Variants in DNAH14 observed in about 807,000 individuals in gnomAD.
The protein encoded by DNAH14 is dynein axonemal heavy chain 14, also known as axonemal beta dynein heavy chain 14.
Under a neutral mutation model 520.9 loss-of-function variants are expected in DNAH14, and 478 were observed. The observed-to-expected ratio is 0.92, with a 90% CI of 0.85 to 0.99. The LOEUF is 0.99. Among genes scored for constraint, DNAH14 ranks in the 50% least tolerant of loss-of-function variants. The pLI is 0.00. For synonymous variants in DNAH14, 1,581 were observed against 1,757.2 expected (o/e 0.90, Z 2.51); for missense variants, 4,831 against 5,234.5 (o/e 0.92, Z 2.38).
chr1:225,302,330 G>A (rs1054079362), intron 56 of DNAH14, among the ~76,000 whole-genome samples: 4 of 151,800 alleles, frequency 2.6e-5, no homozygotes, highest in Admixed American at 1.3e-4. Context: ...TTTGCACTGA[G>A]CAGTTTTATT....
At chr1:225,388,203 T>C (rs6679318) in intron 81 of DNAH14, among the ~76,000 whole-genome samples, 176 bp from the exon 82 acceptor site, 6,563 of 152,314 alleles carry the variant, frequency 0.043, 168 homozygotes, top group Middle Eastern at 0.068. Flanking sequence ...AATGTTGTTT[T>C]GCCCTGGTAA....
intron 74 of DNAH14, among the ~76,000 whole-genome samples, chr1:225,359,198 C>T (rs2095466024): frequency 6.6e-6 from 1 of 152,148 alleles, no homozygotes; most frequent in South Asian, 2.1e-4. Context: ...AAGAATAAAT[C>T]TCTCTAAAGA....
chr1:225,337,376 A>G lies in DNAH14; in HGVS notation c.10191A>G (p.Gln3397=). Residue 3397 remains glutamine, a synonymous_variant, in exon 67 of 86, where the codon CAA becomes CAG. Coordinates refer to ENST00000682510, the MANE Select transcript of DNAH14 (RefSeq NM_001367479.1). ...CACTGCTGATTGACCCACATAGGCA[A>G]GCTCACAAATGGATCCGTCAGATGG... ...QWPLLIDPHR[Q]AHKWIRQMEG... 1 of 1,551,696 alleles carries G rather than the reference A, an allele frequency of 6.4e-7. No homozygotes were observed. The highest frequency in any genetic ancestry group is 1.2e-5 in the South Asian group (1 of 84,064).
intron 17 of DNAH14, among the ~76,000 whole-genome samples, chr1:225,076,738 T>C (rs750774007): frequency 6.6e-6 from 1 of 152,222 alleles, no homozygotes; most frequent in Non-Finnish European, 1.5e-5. Context: ...GTCCTGGGTG[T>C]ATTTATATTT....
At position 225,117,887 on chromosome 1, in the gene DNAH14, C is replaced by T. The variant is rs991431172; in HGVS notation, c.3979C>T (p.Leu1327Phe). Residue 1327 changes from leucine to phenylalanine, a missense_variant, in exon 25 of 86, where the codon CTT becomes TTT. Coordinates refer to ENST00000682510, the MANE Select transcript of DNAH14 (RefSeq NM_001367479.1). Reference sequence around the variant, plus strand: ...ATTTGTTTCTGGTTCACAGCCTCATCTTGTGAAATGCTTTGAAAATATAAA... The same window carrying T: ...ATTTGTTTCTGGTTCACAGCCTCATTTTGTGAAATGCTTTGAAAATATAAA... ...SRNPESVQPH[L>F]VKCFENIKQL... The T allele has an allele frequency of 6.5e-7, 1 of 1,544,092 alleles. No homozygotes were observed. Among genetic ancestry groups the T allele is most frequent in the African/African-American group, 1.4e-5 (1 of 72,774 alleles).
chr1:225,133,699 G>A (rs1360544839), intron 27 of DNAH14, among the ~76,000 whole-genome samples: 2 of 152,126 alleles, frequency 1.3e-5, no homozygotes, highest in Non-Finnish European at 2.9e-5. Context: ...GTATTGACTT[G>A]GCTATTTGGG....
intron 37 of DNAH14, among the ~76,000 whole-genome samples, chr1:225,187,043 C>T (rs1245939115): frequency 6.6e-6 from 1 of 151,580 alleles, no homozygotes; most frequent in African/African-American, 2.4e-5. Flanking sequence ...TTTTCCTCTT[C>T]ATCATAGGAA....
At position 225,170,764 on chromosome 1, in the gene DNAH14, C is replaced by T. The variant is rs1029017787; in HGVS notation, c.5535+2736C>T. ...GAATTGAATTGAGCTCTGCACCAAGCGGACCTAATAGACATCTACAAAACC... is the reference window on the plus strand; with the variant it reads ...GAATTGAATTGAGCTCTGCACCAAGTGGACCTAATAGACATCTACAAAACC... On this transcript the variant is annotated intron_variant, in intron 36 of 85. Transcript: ENST00000682510. Among the ~76,000 whole-genome samples the T allele has an allele frequency of 1.6e-4, 24 of 152,256 alleles. No homozygotes were observed. In the East Asian group the frequency reaches 1.7e-3, roughly 11 times the overall value.
chr1:225,248,295 C>T (rs2149687362), intron 43 of DNAH14, among the ~76,000 whole-genome samples: 1 of 152,120 alleles, frequency 6.6e-6, no homozygotes, highest in East Asian at 1.9e-4. Context: ...TAATGATGAG[C>T]ATAGAACTTG....
At chr1:225,395,659 T>C (rs1009603949) in intron 84 of DNAH14, 7 of 152,272 alleles carry the variant, frequency 4.6e-5, no homozygotes, top group African/African-American at 1.7e-4. Context: ...TGTTTTTAGT[T>C]TTTATTGTGC....
chr1:225,358,299 G>C (rs2095454649), intron 73 of DNAH14, among the ~76,000 whole-genome samples, 197 bp from the exon 74 acceptor site: 1 of 152,070 alleles, frequency 6.6e-6, no homozygotes, highest in Non-Finnish European at 1.5e-5. Context: ...ATCTAAGAAG[G>C]GCCACATGAT....
Position 225,345,988 on chromosome 1 carries a change from G to A in DNAH14, c.10705G>A (p.Val3569Ile). The change falls in exon 70 of 86, where the codon GTA becomes ATA. Residue 3569 changes from valine to isoleucine, a missense_variant. Coordinates refer to ENST00000682510, the MANE Select transcript of DNAH14 (RefSeq NM_001367479.1). Reference sequence around the variant, plus strand: ...ATCCATATTAGATGATGACAAAATTGTAGATACCTTAAGAAAATCCAAAAT... The same window carrying A: ...ATCCATATTAGATGATGACAAAATTATAGATACCTTAAGAAAATCCAAAAT... ...LGSILDDDKI[V>I]DTLRKSKMTS... The A allele has an allele frequency of 6.4e-7, 1 of 1,550,760 alleles. No homozygotes were observed. Among genetic ancestry groups the A allele is most frequent in the East Asian group, 2.4e-5 (1 of 40,912 alleles).
chr1:225,318,764 C>T (rs753124602), intron 61 of DNAH14, 87 bp downstream of exon 61: 4 of 1,239,676 alleles, frequency 3.2e-6, no homozygotes, highest in Non-Finnish European at 4.5e-6. Context: ...CATTTTTAGC[C>T]TATATACTAA....
intron 38 of DNAH14, among the ~76,000 whole-genome samples, chr1:225,197,364 T>G (rs2086284359): frequency 6.6e-6 from 1 of 151,774 alleles, no homozygotes; most frequent in Non-Finnish European, 1.5e-5. Flanking sequence ...TATTTGGCTT[T>G]ATTTCTGGAT....
intron 55 of DNAH14, among the ~76,000 whole-genome samples, chr1:225,293,848 G>T (rs1176277249): frequency 6.6e-6 from 1 of 151,942 alleles, no homozygotes; most frequent in African/African-American, 2.4e-5. Context: ...GAGTTTTTTG[G>T]TAGTCTTTAT....
intron 2 of DNAH14, among the ~76,000 whole-genome samples, chr1:224,954,189 G>A (rs995869686): frequency 1.5e-4 from 23 of 151,912 alleles, no homozygotes; most frequent in Admixed American, 1.5e-3. Context: ...AACAAAGAGG[G>A]AACTTAAAGC....
At chr1:224,958,829 G>A (rs1411890046) in intron 3 of DNAH14, among the ~76,000 whole-genome samples, 2 of 152,074 alleles carry the variant, frequency 1.3e-5, no homozygotes, top group African/African-American at 2.4e-5. Flanking sequence ...TGGCTCTCCC[G>A]TGAGCCAGAG....
chr1:225,194,215 A>G (rs2085812827), intron 38 of DNAH14, among the ~76,000 whole-genome samples: 1 of 152,070 alleles, frequency 6.6e-6, no homozygotes, highest in African/African-American at 2.4e-5. Context: ...CTTAGGAAAC[A>G]AAAAAGAGCC....
intron 36 of DNAH14, among the ~76,000 whole-genome samples, chr1:225,176,633 G>C (rs956347168): frequency 2.0e-5 from 3 of 151,752 alleles, no homozygotes; most frequent in African/African-American, 7.3e-5. Flanking sequence ...TGAATTATGG[G>C]GCAGGTCTTT....
Sources: gnomAD v4.1 joint callset for allele counts (sites outside exome capture counted in the v4.1 genomes callset) on GRCh38, gnomAD v4.1.1 for gene constraint, MANE v1.5 for transcripts, NCBI Gene and HGNC (gene_info 2026-07-23, HGNC 2026-07-21) for gene names.